The following IQCH variants were observed in gnomAD, a reference collection of about 807,000 sequenced individuals.
IQCH encodes the protein IQ domain-containing protein H.
IQCH carries 98 observed loss-of-function variants against 117.0 expected under a neutral mutation model. The ratio of observed to expected loss-of-function variants is 0.84; its 90% confidence interval spans 0.71 to 0.99. The LOEUF (loss-of-function observed/expected upper bound fraction) is 0.99, where lower values mean the gene tolerates loss of function less well. Among genes scored for constraint, IQCH ranks in the 50% least tolerant of loss-of-function variants. The probability of loss-of-function intolerance (pLI) is 0.00; values close to 1 mark genes in which losing one functional copy is unlikely to be tolerated. For missense variants in IQCH, 1,102 were observed against 1,243.8 expected, an observed-to-expected ratio of 0.89 and a Z score of 1.72; for synonymous variants, 412 against 448.2, an observed-to-expected ratio of 0.92 and a Z score of 1.02.
intron 18 of IQCH, among the ~76,000 whole-genome samples, chr15:67,486,042 T>C (rs974658847): frequency 4.8e-5 from 7 of 145,184 alleles, no homozygotes; most frequent in African/African-American, 1.5e-4. Context: ...AGTTTTCTTT[T>C]TTTTTTTTTT....
At chr15:67,274,364 T>C (rs1966035243) in intron 3 of IQCH, among the ~76,000 whole-genome samples, 2 of 152,182 alleles carry the variant, frequency 1.3e-5, no homozygotes, top group South Asian at 4.1e-4. Context: ...TTTTTATATT[T>C]TTCTTCTCTG....
rs375343770 is a variant in IQCH at position 67,268,238 on chromosome 15, A to G, written c.269+5022A>G. On this transcript the variant is annotated intron_variant, in intron 3 of 20. Transcript: ENST00000335894. ...GGTAGAGACAAACCAGTAGGTACAC[A>G]AAGTGGTGATAACGAATGCCAGCAA... Among the ~76,000 whole-genome samples the G allele has an allele frequency of 7.9e-5, 12 of 152,346 alleles. No individual in the cohort carries two copies. The East Asian group carries it at 1.9e-3, about 24-fold the overall frequency.
intron 6 of IQCH, among the ~76,000 whole-genome samples, chr15:67,345,404 G>A (rs760269853): frequency 6.6e-6 from 1 of 152,084 alleles, no homozygotes; most frequent in African/African-American, 2.4e-5. Flanking sequence ...AATAGAGTAC[G>A]GAAAGAAGAA....
chr15:67,437,563 T>C (rs2082168620), intron 16 of IQCH, among the ~76,000 whole-genome samples: 1 of 152,030 alleles, frequency 6.6e-6, no homozygotes, highest in Non-Finnish European at 1.5e-5. Context: ...AAATCCCTGA[T>C]TTACATGAAA....
intron 1 of IQCH, among the ~76,000 whole-genome samples, 175 bp from the exon 2 acceptor site, chr15:67,261,097 A>AG (rs971632744): frequency 7.3e-5 from 11 of 151,452 alleles, no homozygotes; most frequent in African/African-American, 2.4e-4. Context: ...CCATCTCAAA[A>AG]AAAAAAAAAA....
At chr15:67,382,134 A>G (rs1349824592) in intron 10 of IQCH, among the ~76,000 whole-genome samples, 2 of 152,228 alleles carry the variant, frequency 1.3e-5, no homozygotes, top group Non-Finnish European at 2.9e-5. Flanking sequence ...AGAAATGGAC[A>G]ACAAAGTAAA....
At chr15:67,347,900 TAG>T (rs996830739) in intron 6 of IQCH, among the ~76,000 whole-genome samples, 2 of 147,254 alleles carry the variant, frequency 1.4e-5, no homozygotes, top group African/African-American at 4.9e-5. Context: ...TTTATATATA[TAG>T]AGAGAGATTA....
chr15:67,311,752 C>G (rs1320025417), intron 4 of IQCH, among the ~76,000 whole-genome samples: 1 of 151,982 alleles, frequency 6.6e-6, no homozygotes, highest in African/African-American at 2.4e-5. Flanking sequence ...TTTAAGGTTG[C>G]ATTTGAAAAA....
chr15:67,278,991 A>G (rs1966240456), intron 3 of IQCH, among the ~76,000 whole-genome samples: 1 of 152,224 alleles, frequency 6.6e-6, no homozygotes, highest in African/African-American at 2.4e-5. Flanking sequence ...TCAAGAATAT[A>G]AGTATTAATC....
chr15:67,379,170 A>G (rs1970836675), intron 10 of IQCH, among the ~76,000 whole-genome samples: 1 of 152,310 alleles, frequency 6.6e-6, no homozygotes, highest in Middle Eastern at 3.4e-3. Flanking sequence ...TCTGTATTCA[A>G]TCTGTTGCAA....
rs556113089 is a variant in IQCH at position 67,427,674 on chromosome 15, T to C, written c.2505+6097T>C. Among the ~76,000 whole-genome samples, 7 of 152,318 alleles carry C rather than the reference T, an allele frequency of 4.6e-5. No individual in the cohort carries two copies. The South Asian group carries it at 1.5e-3, about 32-fold the overall frequency. On this transcript the variant is annotated intron_variant, in intron 16 of 20. Transcript: ENST00000335894. The surrounding 1 kb of genome is among the most constrained non-coding windows in gnomAD (Gnocchi z 4.7). The stretch of plus-strand genomic sequence containing the variant: ...TTTCAATAACATTTTAAAGCACTTA[T>C]TTTCTGTATCAGCAAATTCAAATGT...
chr15:67,434,513 A>T (rs1308437020), intron 16 of IQCH, among the ~76,000 whole-genome samples: 1 of 152,164 alleles, frequency 6.6e-6, no homozygotes, highest in East Asian at 1.9e-4. Flanking sequence ...TCATCAACTG[A>T]CACTTAGGTT....
At chr15:67,260,563 T>C (rs1166476799) in intron 1 of IQCH, among the ~76,000 whole-genome samples, 1 of 152,148 alleles carries the variant, frequency 6.6e-6, no homozygotes, top group Admixed American at 6.5e-5. Context: ...TTGCTTCTGC[T>C]ACAACTTCTT....
At chr15:67,486,038 C>CCTTTTTTT (rs1555513837) in intron 18 of IQCH, among the ~76,000 whole-genome samples, 12 of 106,300 alleles carry the variant, frequency 1.1e-4, no homozygotes, top group African/African-American at 4.1e-4. Context: ...GCTAAGTTTT[C>CCTTTTTTT]TTTTTTTTTT....
intron 13 of IQCH, among the ~76,000 whole-genome samples, chr15:67,397,034 C>T (rs1971493082): frequency 6.6e-6 from 1 of 152,180 alleles, no homozygotes; most frequent in Non-Finnish European, 1.5e-5. Context: ...TTGTCATTAG[C>T]CACCACTGGA....
chr15:67,283,068 T>C (rs1187854858), intron 4 of IQCH, among the ~76,000 whole-genome samples: 1 of 152,224 alleles, frequency 6.6e-6, no homozygotes, highest in Non-Finnish European at 1.5e-5. Flanking sequence ...AATTTGCTGA[T>C]AACTGGCGAA....
intron 4 of IQCH, among the ~76,000 whole-genome samples, chr15:67,286,335 A>T (rs1403736852): frequency 6.6e-6 from 1 of 152,054 alleles, no homozygotes; most frequent in Non-Finnish European, 1.5e-5. Flanking sequence ...TTTTTGGTGG[A>T]GTCTTTAGGT....
Position 67,407,550 on chromosome 15 carries a change from G to A in IQCH, c.2097+7245G>A, listed in dbSNP as rs1369863085. ...AAATGAAAGCCAGGGTACCCCTTCT[G>A]AGGACCTATAATAATCAGCTACCCA... is the stretch of plus-strand genomic sequence containing the variant. On this transcript the variant is annotated intron_variant, in intron 14 of 20. Transcript: ENST00000335894. This position sits in a 1 kb window ranked among gnomAD's most constrained non-coding sequence, Gnocchi z 5.3. 6.6e-6 allele frequency: 1 copy of A among 152,170 alleles called. No individual in the cohort carries two copies. Among genetic ancestry groups the A allele is most frequent in the African/African-American group, 2.4e-5 (1 of 41,434 alleles). 9.4% of individuals were successfully genotyped at this position (152,170 alleles called of 1,614,324 possible). A position where few individuals can be genotyped will look rare whatever the true frequency, so the allele number is the denominator to read the frequency against.
chr15:67,442,557 G>A (rs927554815), intron 16 of IQCH, among the ~76,000 whole-genome samples: 1 of 152,124 alleles, frequency 6.6e-6, no homozygotes, highest in African/African-American at 2.4e-5. Flanking sequence ...GCAGGTTACA[G>A]GGAACGCTTC....
Sources: gnomAD v4.1 joint callset for allele counts (sites outside exome capture counted in the v4.1 genomes callset) on GRCh38, gnomAD v4.1.1 for gene constraint, Gnocchi (gnomAD v3.1) non-coding constraint, MANE v1.5 for transcripts, NCBI Gene and HGNC (gene_info 2026-07-23, HGNC 2026-07-21) for gene names.